The following NXN variants were observed in gnomAD, a reference collection of about 807,000 sequenced individuals.
NXN encodes nucleoredoxin 1.
Under a neutral mutation model 48.6 loss-of-function variants are expected in NXN, and 16 were observed. That is an observed-to-expected ratio of 0.33 (90% CI 0.22 to 0.50). The LOEUF is 0.50. NXN is among the 20% of genes least tolerant of loss of function. The pLI, the probability that NXN is intolerant of heterozygous loss-of-function variation, is 0.98. For missense variants in NXN, 492 were observed against 605.5 expected (o/e 0.81, Z 1.97); for synonymous variants, 281 against 269.6 (o/e 1.04, Z -0.41).
chr17:858,257 G>A (rs558334922), intron 1 of NXN, among the ~76,000 whole-genome samples: 3 of 152,120 alleles, frequency 2.0e-5, no homozygotes, highest in African/African-American at 7.2e-5. Flanking sequence ...GAGTTCCAGG[G>A]ATCCACCCGC....
intron 1 of NXN, among the ~76,000 whole-genome samples, chr17:934,956 T>C (rs72812051): frequency 0.045 from 6,802 of 151,946 alleles, 224 homozygotes; most frequent in Non-Finnish European, 0.066. Context: ...CCACTCATTA[T>C]TGCATCATTT....
rs1182186318 is a variant in NXN at position 978,388 on chromosome 17, G to C, written c.360+931C>G. 6.6e-6 allele frequency: 1 copy of C among 152,240 alleles called. No individual in the cohort carries two copies. The highest frequency in any genetic ancestry group is 1.5e-5 in the Non-Finnish European group (1 of 68,124). 9.4% of individuals were successfully genotyped at this position (152,240 alleles called of 1,614,324 possible). A position where few individuals can be genotyped will look rare whatever the true frequency, so the allele number is the denominator to read the frequency against. ...ACACTCAGAAACCCAAACTCAACTC[G>C]GCAGCAAACTGGGAGACACGAGAAG... On this transcript the variant is annotated intron_variant, in intron 1 of 7. Transcript: ENST00000336868. The surrounding 1 kb of genome is among the most constrained non-coding windows in gnomAD (Gnocchi z 4.1).
chr17:812,514 T>C (rs1045214140), intron 5 of NXN, among the ~76,000 whole-genome samples: 1 of 152,154 alleles, frequency 6.6e-6, no homozygotes. Flanking sequence ...CCCCACAGGA[T>C]GTGCAGACCA....
intron 1 of NXN, among the ~76,000 whole-genome samples, chr17:863,014 T>C (rs995254115): frequency 6.6e-6 from 1 of 152,186 alleles, no homozygotes; most frequent in African/African-American, 2.4e-5. Context: ...TAATCTATTT[T>C]CAAATGCCCC....
intron 6 of NXN, among the ~76,000 whole-genome samples, chr17:804,703 G>A (rs899133352): frequency 3.0e-4 from 45 of 152,246 alleles, no homozygotes; most frequent in African/African-American, 2.4e-4. Flanking sequence ...CAGAGGATCC[G>A]CAGAAGCAGC....
At chr17:877,648 T>C (rs1175940242) in intron 1 of NXN, among the ~76,000 whole-genome samples, 1 of 152,104 alleles carries the variant, frequency 6.6e-6, no homozygotes, top group Non-Finnish European at 1.5e-5. Flanking sequence ...TACTGGCACA[T>C]AGAGGAAATC....
At chr17:906,887 T>C (rs913267877) in intron 1 of NXN, among the ~76,000 whole-genome samples, 3 of 152,096 alleles carry the variant, frequency 2.0e-5, no homozygotes, top group Admixed American at 2.0e-4. Flanking sequence ...GTGTTCTGTA[T>C]AGTCCTATGC....
intron 1 of NXN, among the ~76,000 whole-genome samples, chr17:955,070 G>A (rs1441386580): frequency 1.3e-5 from 2 of 152,036 alleles, no homozygotes; most frequent in East Asian, 1.9e-4. Context: ...GCGACGGGGA[G>A]AGTGGTCTTT....
intron 1 of NXN, among the ~76,000 whole-genome samples, chr17:957,993 G>C (rs910681538): frequency 2.0e-5 from 3 of 151,276 alleles, no homozygotes; most frequent in Non-Finnish European, 4.4e-5. Flanking sequence ...CACGGAGCAC[G>C]GGCAGCCCCC....
chr17:865,726 G>C (rs1303020299), intron 1 of NXN, among the ~76,000 whole-genome samples: 2 of 151,716 alleles, frequency 1.3e-5, no homozygotes, highest in Admixed American at 6.6e-5. Flanking sequence ...GCTCACGCCT[G>C]TAATCCCAGC....
rs1913067913 is a variant in NXN, at chr17:825,792, G to A, written c.478+169C>T. The A allele has an allele frequency of 6.7e-6, 4 of 594,912 alleles. No homozygotes were observed. The highest frequency in any genetic ancestry group is 1.2e-5 in the Non-Finnish European group (4 of 330,390). 36.9% of individuals were successfully genotyped at this position (594,912 alleles called of 1,614,324 possible). On this transcript the variant is annotated intron_variant, in intron 2 of 7. Coordinates refer to ENST00000336868, the MANE Select transcript of NXN (RefSeq NM_022463.5). The surrounding 1 kb of genome is among the most constrained non-coding windows in gnomAD (Gnocchi z 4.1). ...ATCCCTGTGAAAATCTTAAAACCAT[G>A]TCCTAGGGAATACTATGATTTCACC...
intron 1 of NXN, among the ~76,000 whole-genome samples, chr17:858,741 G>A (rs113010284): frequency 0.01 from 1,516 of 150,876 alleles, 26 homozygotes; most frequent in African/African-American, 0.035. Flanking sequence ...AAAAAAAAAA[G>A]AAAGAAAGAA....
At chr17:895,619 T>C (rs375980836) in intron 1 of NXN, among the ~76,000 whole-genome samples, 2,614 of 147,538 alleles carry the variant, frequency 0.018, 45 homozygotes, top group African/African-American at 0.045. Flanking sequence ...AAGACCATCC[T>C]GGCTAACACG....
intron 1 of NXN, among the ~76,000 whole-genome samples, chr17:924,947 G>A (rs1373740433): frequency 6.6e-6 from 1 of 152,240 alleles, no homozygotes; most frequent in African/African-American, 2.4e-5. Flanking sequence ...TGGGATGGGG[G>A]TTGGGAGAAG....
In NXN at chr17:859,656, C is replaced by T. The variant is rs528971798; in HGVS notation, c.361-33578G>A. On this transcript the variant is annotated intron_variant, in intron 1 of 7. Transcript: ENST00000336868. ...TGATCTGCTCTGTCACGACCTGTTTCACGGATCCCAGATCTGCTCTGGGGA... is the reference window on the plus strand; with the variant it reads ...TGATCTGCTCTGTCACGACCTGTTTTACGGATCCCAGATCTGCTCTGGGGA... Among the ~76,000 whole-genome samples, 6 of 152,308 alleles carry T rather than the reference C, an allele frequency of 3.9e-5. No homozygotes were observed. The South Asian group carries it at 1.2e-3, about 32-fold the overall frequency.
At chr17:903,013 C>T (rs921334161) in intron 1 of NXN, among the ~76,000 whole-genome samples, 3 of 151,662 alleles carry the variant, frequency 2.0e-5, no homozygotes, top group Non-Finnish European at 4.4e-5. Context: ...TCAGGTGATC[C>T]GCCCACCTCG....
At chr17:867,840 C>T (rs931712713) in intron 1 of NXN, among the ~76,000 whole-genome samples, 1 of 151,554 alleles carries the variant, frequency 6.6e-6, no homozygotes, top group Non-Finnish European at 1.5e-5. Context: ...GCATGAGAAT[C>T]GCTTGAACCC....
At chr17:879,699 G>A (rs572084838) in intron 1 of NXN, among the ~76,000 whole-genome samples, 3 of 152,298 alleles carry the variant, frequency 2.0e-5, no homozygotes, top group South Asian at 4.1e-4. Flanking sequence ...TTGGGAACCC[G>A]CTGGGGTTTG....
chr17:952,018 C>A (rs2069116939), intron 1 of NXN, among the ~76,000 whole-genome samples: 1 of 152,228 alleles, frequency 6.6e-6, no homozygotes, highest in Admixed American at 6.5e-5. Context: ...TCCATCACCA[C>A]CGCTCCCTCA....
Sources: gnomAD v4.1 joint callset for allele counts (sites outside exome capture counted in the v4.1 genomes callset) on GRCh38, gnomAD v4.1.1 for gene constraint, Gnocchi (gnomAD v3.1) non-coding constraint, MANE v1.5 for transcripts, NCBI Gene and HGNC (gene_info 2026-07-23, HGNC 2026-07-21) for gene names.